Variants in STRN3 observed in about 807,000 individuals in gnomAD.
STRN3 encodes striatin 3.
In STRN3, 29 loss-of-function variants were observed where a neutral mutation model predicts 95.6. The observed-to-expected ratio is 0.30, with a 90% CI of 0.23 to 0.41. STRN3 has a LOEUF of 0.41. Ranked by LOEUF, STRN3 falls within the 10% of genes least tolerant of loss-of-function variation. The probability of loss-of-function intolerance (pLI) is 1.00; values close to 1 mark genes in which losing one functional copy is unlikely to be tolerated. For missense variants in STRN3, 890 were observed against 972.1 expected, an observed-to-expected ratio of 0.92 and a Z score of 1.12; for synonymous variants, 331 against 357.6, an observed-to-expected ratio of 0.93 and a Z score of 0.84.
At chr14:30,965,959 CACTCCACCCTGACTCATTCCAATTACCT>C (rs1373887570) in intron 1 of STRN3, among the ~76,000 whole-genome samples, 3 of 152,046 alleles carry the variant, frequency 2.0e-5, no homozygotes, top group Non-Finnish European at 2.9e-5. Flanking sequence ...TTCGATTACC[CACTCCACCCTGACTCATTCCAATTACCT>C]ACTCCACCCT....
chr14:31,025,025 G>A (rs1338167394), intron 1 of STRN3: 2 of 152,196 alleles, frequency 1.3e-5, no homozygotes, highest in East Asian at 3.8e-4. Context: ...CAACTATGAA[G>A]GGTTCCGAGA....
intron 8 of STRN3, among the ~76,000 whole-genome samples, chr14:30,926,430 TA>T (rs1326508203): frequency 6.6e-6 from 1 of 151,984 alleles, no homozygotes; most frequent in Non-Finnish European, 1.5e-5. Context: ...GTTTTACGTA[TA>T]AAGACTTTTA....
chr14:30,944,107 C>T (rs911317661), intron 5 of STRN3, among the ~76,000 whole-genome samples: 5 of 151,826 alleles, frequency 3.3e-5, no homozygotes, highest in Admixed American at 3.3e-4. Flanking sequence ...GGAGAAGATA[C>T]AGCTTATCGA....
At position 30,929,218 on chromosome 14, in the gene STRN3, C is replaced by CCCT; in HGVS notation, c.1079_1081dup (p.Lys360_Gly361insGlu). Reference sequence around the variant, plus strand: ...GCACTTACTCTTCACCCCTTTCTTCCCCTTTCGTTCCTTCTTGTACTGTTC... The same window carrying CCCT: ...GCACTTACTCTTCACCCCTTTCTTCCCCTCCTTTCGTTCCTTCTTGTACTGTTC... On this transcript the variant is annotated inframe_insertion, in exon 8 of 18. Transcript: ENST00000357479. 1 of 1,608,740 alleles carries CCCT rather than the reference C, an allele frequency of 6.2e-7. No homozygotes were observed. Among genetic ancestry groups the CCCT allele is most frequent in the Non-Finnish European group, 8.5e-7 (1 of 1,177,860 alleles).
intron 1 of STRN3, among the ~76,000 whole-genome samples, chr14:30,999,338 C>T (rs745686755): frequency 1.7e-4 from 26 of 152,170 alleles, no homozygotes; most frequent in Admixed American, 7.2e-4. Context: ...TGAGCCACCG[C>T]ACCTAGCCCT....
intron 1 of STRN3, among the ~76,000 whole-genome samples, chr14:30,996,238 T>G (rs1259702687): frequency 6.6e-6 from 1 of 151,750 alleles, no homozygotes; most frequent in Admixed American, 6.6e-5. Flanking sequence ...AGCACTGGAG[T>G]TGGGTCACCG....
At chr14:30,985,932 C>A (rs1881668642) in intron 1 of STRN3, among the ~76,000 whole-genome samples, 1 of 152,138 alleles carries the variant, frequency 6.6e-6, no homozygotes, top group African/African-American at 2.4e-5. Flanking sequence ...CCCACACACC[C>A]CCCTCAGCTC....
chr14:30,929,967 A>AAAAAAAAAAAAACAAAAAAAAAAAC (rs1555317337), intron 7 of STRN3, among the ~76,000 whole-genome samples: 2 of 91,120 alleles, frequency 2.2e-5, no homozygotes, highest in South Asian at 3.2e-4. Flanking sequence ...AAAAAAAAAA[A>AAAAAAAAAAAAACAAAAAAAAAAAC]AAAAAAAAAA....
At chr14:30,985,966 A>G (rs1003409979) in intron 1 of STRN3, among the ~76,000 whole-genome samples, 2 of 152,232 alleles carry the variant, frequency 1.3e-5, no homozygotes, top group African/African-American at 4.8e-5. Flanking sequence ...AATCATAAGC[A>G]CTTGTGTGCA....
chr14:30,982,753 T>C (rs2139232275), intron 1 of STRN3, among the ~76,000 whole-genome samples: 1 of 152,346 alleles, frequency 6.6e-6, no homozygotes, highest in East Asian at 1.9e-4. Flanking sequence ...GCTATTTTAA[T>C]GGTACTTTAT....
intron 15 of STRN3, among the ~76,000 whole-genome samples, chr14:30,903,483 C>A (rs1896379745): frequency 6.6e-6 from 1 of 152,132 alleles, no homozygotes; most frequent in Non-Finnish European, 1.5e-5. Flanking sequence ...CTCACTGTAA[C>A]CTTGAACTCC....
chr14:31,001,881 T>C (rs1882468142), intron 1 of STRN3, among the ~76,000 whole-genome samples: 1 of 151,026 alleles, frequency 6.6e-6, no homozygotes, highest in African/African-American at 2.4e-5. Flanking sequence ...AACACAAAAA[T>C]CAGGCCAGGC....
intron 1 of STRN3, among the ~76,000 whole-genome samples, chr14:30,968,404 A>C (rs1420858024): frequency 7.5e-6 from 1 of 133,984 alleles, no homozygotes; most frequent in Non-Finnish European, 1.6e-5. Flanking sequence ...AAAAAAAAAC[A>C]GGCGTGGTGG....
At chr14:30,901,732 A>C (rs1896320778) in intron 16 of STRN3, among the ~76,000 whole-genome samples, 1 of 152,168 alleles carries the variant, frequency 6.6e-6, no homozygotes, top group Admixed American at 6.5e-5. Flanking sequence ...AACAAAAAAC[A>C]ACCACACATC....
chr14:30,994,716 A>C (rs1882118760), intron 1 of STRN3, among the ~76,000 whole-genome samples: 1 of 152,226 alleles, frequency 6.6e-6, no homozygotes, highest in East Asian at 1.9e-4. Flanking sequence ...CAACATGAAA[A>C]TGTACCAACT....
intron 1 of STRN3, among the ~76,000 whole-genome samples, chr14:30,956,905 T>A (rs1028202129): frequency 1.3e-5 from 2 of 152,224 alleles, no homozygotes; most frequent in African/African-American, 4.8e-5. Context: ...ATGCCAGTAA[T>A]CCCAGCACTT....
chr14:30,924,918 G>A (rs748904930), intron 8 of STRN3, among the ~76,000 whole-genome samples: 3 of 152,134 alleles, frequency 2.0e-5, no homozygotes, highest in Non-Finnish European at 4.4e-5. Context: ...AACATTTGGT[G>A]GGTAACCTGG....
At chr14:30,995,043 G>A (rs1452865964) in intron 1 of STRN3, among the ~76,000 whole-genome samples, 2 of 152,166 alleles carry the variant, frequency 1.3e-5, no homozygotes, top group African/African-American at 2.4e-5. Context: ...AAATGTTTAA[G>A]TGCCAGAGCA....
chr14:30,968,294 A>G (rs995727992), intron 1 of STRN3, among the ~76,000 whole-genome samples: 3 of 151,968 alleles, frequency 2.0e-5, no homozygotes, highest in African/African-American at 7.2e-5. Flanking sequence ...TTCAAAAAAA[A>G]AAAAAAGAAA....
Sources: allele counts gnomAD v4.1 joint callset (sites outside exome capture counted in the v4.1 genomes callset), GRCh38; gene constraint gnomAD v4.1.1; transcripts MANE v1.5; gene names NCBI Gene and HGNC (gene_info 2026-07-23, HGNC 2026-07-21).